Variants in DIDO1 observed in about 807,000 individuals in gnomAD.
The protein encoded by DIDO1 is death-inducer obliterator 1.
A neutral mutation model predicts 99.4 loss-of-function variants in DIDO1; 16 were observed. The observed-to-expected ratio is 0.16, with a 90% CI of 0.11 to 0.24. The LOEUF is 0.24. Ranked by LOEUF, DIDO1 falls within the 10% of genes least tolerant of loss-of-function variation. The pLI, the probability that DIDO1 is intolerant of heterozygous loss-of-function variation, is 1.00. For missense variants in DIDO1, 2,996 were observed against 3,014.0 expected (o/e 0.99, Z 0.14); for synonymous variants, 1,366 against 1,239.1 (o/e 1.10, Z -2.15).
Position 62,882,400 on chromosome 20 carries a change from G to T in DIDO1, c.3556C>A (p.Arg1186Ser), listed in dbSNP as rs2064224610. The change falls in exon 16 of 16, where the codon CGT becomes AGT. Residue 1186 changes from arginine (R) to serine (S), a missense_variant. Transcript: ENST00000395343. The stretch of plus-strand genomic sequence containing the variant: ...ACTAACCCAAGAATTATATTCGGAC[G>T]TGGTGACTCAAGACCTGAAAAACAA... ...PFEGPGLESP[R>S]PNIILGLVIC... 1 of 1,610,552 alleles carries T rather than the reference G, an allele frequency of 6.2e-7. No individual in the cohort carries two copies. The highest frequency in any genetic ancestry group is 1.7e-5 in the Admixed American group (1 of 59,638).
At position 62,879,582 on chromosome 20, in the gene DIDO1, C is replaced by G; in HGVS notation, c.6374G>C (p.Arg2125Pro). 1 of 1,602,748 alleles carries G rather than the reference C, an allele frequency of 6.2e-7. No homozygotes were observed. The highest frequency in any genetic ancestry group is 1.7e-4 in the Middle Eastern group (1 of 6,060). ...RERERGRNWS[R>P]ERDWDRPREW... ...CCGGGGCCGGTCCCAGTCCCGCTCT[C>G]GGCTCCAGTTTCGGCCGCGCTCGCG... Residue 2125 changes from arginine (R) to proline (P), a missense_variant, in exon 16 of 16, where the codon CGA (arginine) becomes CCA (proline). Arg to Pro is a moderately radical substitution (Grantham distance 103). Coordinates refer to ENST00000395343, the MANE Select transcript of DIDO1 (RefSeq NM_001193369.2). The surrounding 1 kb of genome is among the most constrained non-coding windows in gnomAD (Gnocchi z 6.3).
Position 62,907,237 on chromosome 20 carries a change from A to G in DIDO1, c.1284T>C (p.Phe428=). 1 of 1,614,212 alleles carries G rather than the reference A, an allele frequency of 6.2e-7. No individual in the cohort carries two copies. Among genetic ancestry groups the G allele is most frequent in the Non-Finnish European group, 8.5e-7 (1 of 1,180,038 alleles). ...GCTTCTGTTCTTTACCTGAGCTTAG[A>G]AACTTCATTGTCGCTGCGGCGTGTT... ...ILKHAAATMK[F]LSSGKEQKPK... is the part of the protein sequence containing the mutation. Residue 428 remains phenylalanine (F), a synonymous_variant, in exon 5 of 16, where the codon TTT becomes TTC. Transcript: ENST00000395343.
chr20:62,921,397 TC>T (rs933604840), intron 1 of DIDO1, among the ~76,000 whole-genome samples: 8 of 152,190 alleles, frequency 5.3e-5, no homozygotes, highest in African/African-American at 1.9e-4. Context: ...GAAAGGCTGC[TC>T]CCCGAGGCCA....
At chr20:62,909,012 C>T (rs559709526) in intron 4 of DIDO1, among the ~76,000 whole-genome samples, 3 of 152,380 alleles carry the variant, frequency 2.0e-5, no homozygotes, top group Admixed American at 6.5e-5. Flanking sequence ...TCCAAGGGCA[C>T]GCTCCCAGGT....
At position 62,896,794 on chromosome 20, in the gene DIDO1, C is replaced by T. The variant is rs140512956; in HGVS notation, c.1791G>A (p.Arg597=). Residue 597 remains arginine, a synonymous_variant, in exon 7 of 16, where the codon AGG becomes AGA. Coordinates refer to ENST00000395343, the MANE Select transcript of DIDO1 (RefSeq NM_001193369.2). The surrounding 1 kb of genome is among the most constrained non-coding windows in gnomAD (Gnocchi z 4.4). ...TCGATGGGGTAGCGGAGAGCCATGG[C>T]CTCTTGGGGATGGTGCCCTTGAAAC... ...PSGFKGTIPK[R]PWLSATPSSG... 175 of 1,614,026 alleles carry T rather than the reference C, an allele frequency of 1.1e-4. 1 individual carries two copies. The highest frequency in any genetic ancestry group is 1.4e-4 in the Non-Finnish European group (170 of 1,180,046).
intron 6 of DIDO1, among the ~76,000 whole-genome samples, chr20:62,903,698 A>G (rs1168444953): frequency 6.6e-6 from 1 of 152,252 alleles, no homozygotes; most frequent in African/African-American, 2.4e-5. Context: ...AGAAGCTACT[A>G]GCTCAAAAGT....
At chr20:62,933,876 T>C (rs949337824) in intron 1 of DIDO1, among the ~76,000 whole-genome samples, 7 of 152,200 alleles carry the variant, frequency 4.6e-5, no homozygotes, top group Admixed American at 6.5e-5. Context: ...AACTCATTAA[T>C]GTTCTTTTAA....
rs138828292 is a variant in DIDO1 at position 62,894,529 on chromosome 20, C to A, written c.2456G>T (p.Arg819Leu). ...SDSEEQQESA[R>L]AVPEKSTAPL... The stretch of plus-strand genomic sequence containing the variant: ...CGCTGTGCTCTTCTCAGGGACAGCA[C>A]GTGCTGACTCTTGCTGTTCCTAAAA... Residue 819 changes from arginine (R) to leucine (L), a missense_variant, in exon 11 of 16, where the codon CGT (arginine) becomes CTT (leucine). By Grantham distance (102) the Arg-to-Leu change is moderately radical. This residue lies in a region of DIDO1 where 898 missense variants were observed against 972.7 expected (regional missense o/e 0.92). Transcript: ENST00000395343. The surrounding 1 kb of genome is among the most constrained non-coding windows in gnomAD (Gnocchi z 4.4). 2 of 1,612,108 alleles carry A rather than the reference C, an allele frequency of 1.2e-6. No individual in the cohort carries two copies. Among genetic ancestry groups the A allele is most frequent in the African/African-American group, 2.7e-5 (2 of 74,846 alleles).
chr20:62,889,447 T>C, intron 15 of DIDO1: 1 of 985,416 alleles, frequency 1.0e-6, no homozygotes, highest in Middle Eastern at 5.2e-4. Context: ...ATCGCCTCAA[T>C]TGTTTTAAAA....
intron 8 of DIDO1, among the ~76,000 whole-genome samples, chr20:62,895,833 T>C (rs934903985): frequency 6.6e-6 from 1 of 152,126 alleles, no homozygotes; most frequent in African/African-American, 2.4e-5. Flanking sequence ...ACTCGGCTGA[T>C]GAGGAATATG....
intron 6 of DIDO1, among the ~76,000 whole-genome samples, chr20:62,897,768 T>G (rs778331608): frequency 6.6e-6 from 1 of 152,290 alleles, no homozygotes; most frequent in South Asian, 2.1e-4. Flanking sequence ...TATAACCCCA[T>G]GTGAGATCGT....
upstream of DIDO1, among the ~76,000 whole-genome samples, chr20:62,929,693 GTGTA>G (rs1555853761): frequency 1.8e-3 from 181 of 97,966 alleles, 27 homozygotes; most frequent in African/African-American, 8.6e-3. Flanking sequence ...AAAAGAAAAA[GTGTA>G]TATATATATA....
chr20:62,879,860 G>T lies in DIDO1; in HGVS notation c.6096C>A (p.His2032Gln). The T allele has an allele frequency of 6.3e-7, 1 of 1,596,424 alleles. No individual in the cohort carries two copies. ...GPRPLLELPS[H>Q]PPQHRKDRWE... ...AGCGGTCCTTCCGGTGCTGCGGGGG[G>T]TGGCTGGGAAGCTCCAGCAGGGGCC... The change falls in exon 16 of 16, where the codon CAC becomes CAA. Residue 2032 changes from histidine to glutamine, a missense_variant. His to Gln is a conservative substitution (Grantham distance 24, BLOSUM62 0). Transcript: ENST00000395343. The surrounding 1 kb of genome is among the most constrained non-coding windows in gnomAD (Gnocchi z 6.3).
intron 1 of DIDO1, among the ~76,000 whole-genome samples, chr20:62,919,243 C>G (rs550419205): frequency 2.0e-5 from 3 of 152,156 alleles, no homozygotes; most frequent in Non-Finnish European, 4.4e-5. Context: ...CCAAATAATA[C>G]CGTCATTACA....
At chr20:62,897,216 A>C (rs1439848494) in intron 6 of DIDO1, among the ~76,000 whole-genome samples, 6 of 152,232 alleles carry the variant, frequency 3.9e-5, no homozygotes, top group Admixed American at 3.9e-4. Flanking sequence ...TATTTCAGAA[A>C]GAAGAATGCT....
chr20:62,891,217 T>C (rs1159610874), intron 14 of DIDO1, 62 bp from the exon 15 acceptor site: 1 of 1,604,494 alleles, frequency 6.2e-7, no homozygotes, highest in Non-Finnish European at 8.5e-7. Flanking sequence ...ACACGCCCAA[T>C]TCACATCCTG....
intron 1 of DIDO1, among the ~76,000 whole-genome samples, chr20:62,920,036 C>A (rs1461442986): frequency 1.3e-5 from 2 of 152,216 alleles, no homozygotes; most frequent in Non-Finnish European, 2.9e-5. Context: ...GTTTCAAACA[C>A]TTAAGATACG....
chr20:62,899,470 C>CA (rs2064613613), intron 6 of DIDO1, among the ~76,000 whole-genome samples: 2 of 152,218 alleles, frequency 1.3e-5, no homozygotes, highest in Admixed American at 6.5e-5. Context: ...TGGCCACACT[C>CA]AGATTTCTGC....
intron 6 of DIDO1, chr20:62,905,053 T>C (rs1185126900): frequency 6.1e-6 from 6 of 990,018 alleles, no homozygotes; most frequent in Non-Finnish European, 7.2e-6. Flanking sequence ...CAAGAAAACA[T>C]TAAAATTGCA....
Sources: gnomAD v4.1 joint callset for allele counts (sites outside exome capture counted in the v4.1 genomes callset) on GRCh38, gnomAD v4.1.1 for gene constraint, gnomAD v4.1.1 regional missense constraint, Gnocchi (gnomAD v3.1) non-coding constraint, MANE v1.5 for transcripts, NCBI Gene and HGNC (gene_info 2026-07-23, HGNC 2026-07-21) for gene names.